The following RYR1 variants were observed in gnomAD, a reference collection of about 807,000 sequenced individuals.
The protein encoded by RYR1 is ryanodine receptor 1, also known as central core disease of muscle.
Under a neutral mutation model 583.5 loss-of-function variants are expected in RYR1, and 342 were observed. The observed-to-expected ratio is 0.59, with a 90% CI of 0.54 to 0.64. The LOEUF is 0.64. Among genes scored for constraint, RYR1 ranks in the 30% least tolerant of loss-of-function variants. RYR1 has a pLI of 0.00. For synonymous variants in RYR1, 2,791 were observed against 2,822.5 expected (o/e 0.99, Z 0.35); for missense variants, 6,032 against 6,917.2 (o/e 0.87, Z 4.54).
Position 38,504,841 on chromosome 19 carries a change from T to C in RYR1, c.8161T>C (p.Ser2721Pro), listed in dbSNP as rs757312978. 6.2e-7 allele frequency: 1 copy of C among 1,614,080 alleles called. No homozygotes were observed. Among genetic ancestry groups the C allele is most frequent in the Non-Finnish European group, 8.5e-7 (1 of 1,179,992 alleles). ...CGACTATGTGGATGCCTCATACTCA[T>C]CTAAGGCAGAGAAAAAGGCCACAGT... ...PPDYVDASYSSKAEKKATVDA... is the reference protein window; with the variant it reads ...PPDYVDASYSPKAEKKATVDA... The change falls in exon 51 of 106, where the codon TCT becomes CCT. Residue 2721 changes from serine to proline, a missense_variant. Physicochemically the swap from Ser to Pro is moderately conservative, Grantham distance 74 (BLOSUM62 -1). This residue lies in a region of RYR1 where 1,493 missense variants were observed against 1,715.5 expected (regional missense o/e 0.87). Transcript: ENST00000359596.
chr19:38,452,999 C>T lies in RYR1; in HGVS notation c.1425C>T (p.Ser475=). The change falls in exon 13 of 106, where the codon AGC becomes AGT. Residue 475 remains serine, a synonymous_variant. Transcript: ENST00000359596. ...SKLRSLRNRQ[S]LFQEEGMLSM... Reference sequence around the variant, plus strand: ...TGCGAAGCCTGCGCAACCGCCAGAGCCTCTTCCAGGAGGAGGTGAGGACGT... The same window carrying T: ...TGCGAAGCCTGCGCAACCGCCAGAGTCTCTTCCAGGAGGAGGTGAGGACGT... 6.2e-7 allele frequency: 1 copy of T among 1,613,820 alleles called. No homozygotes were observed. Among genetic ancestry groups the T allele is most frequent in the Non-Finnish European group, 8.5e-7 (1 of 1,179,790 alleles).
At chr19:38,581,008 C>T (rs1445802199) in intron 101 of RYR1, among the ~76,000 whole-genome samples, 1 of 151,696 alleles carries the variant, frequency 6.6e-6, no homozygotes, top group African/African-American at 2.4e-5. Flanking sequence ...AAGTGATTCT[C>T]CTGCCTCAGC....
intron 101 of RYR1, among the ~76,000 whole-genome samples, chr19:38,584,298 C>T (rs1284803711): frequency 8.3e-6 from 1 of 121,198 alleles, no homozygotes; most frequent in Non-Finnish European, 1.8e-5. Flanking sequence ...CACCTGTGCC[C>T]CCCCCCACCC....
intron 27 of RYR1, among the ~76,000 whole-genome samples, chr19:38,471,931 A>G (rs1409280803): frequency 1.3e-5 from 2 of 151,542 alleles, no homozygotes; most frequent in African/African-American, 4.9e-5. Context: ...GATTCTGAGA[A>G]CAAAGAATCT....
intron 89 of RYR1, among the ~76,000 whole-genome samples, chr19:38,559,252 G>A (rs74332826): frequency 1.9e-4 from 8 of 41,922 alleles, no homozygotes; most frequent in Non-Finnish European, 3.8e-4. Flanking sequence ...TTTTTTTTTT[G>A]AGACAGGGTC....
Position 38,477,643 on chromosome 19 carries a change from C to A in RYR1, c.4294-67C>A, listed in dbSNP as rs755861821. On this transcript the variant is annotated intron_variant, in intron 29 of 105. Coordinates refer to ENST00000359596, the MANE Select transcript of RYR1 (RefSeq NM_000540.3). ...CCCAACAGTCCAGGGAAACCAATTT[C>A]GAGTCCCAGGGAGCCCGAGTCCCTG... The A allele has an allele frequency of 1.2e-5, 20 of 1,609,534 alleles. No individual in the cohort carries two copies. The Admixed American group carries it at 3.3e-4, about 27-fold the overall frequency.
chr19:38,543,755 G>A lies in RYR1; in HGVS notation c.11908-16G>A, dbSNP rs1395966845. The A allele has an allele frequency of 6.2e-7, 1 of 1,611,900 alleles. No homozygotes were observed. On this transcript the variant is annotated splice_polypyrimidine_tract_variant and intron_variant, in intron 86 of 105. Coordinates refer to ENST00000359596, the MANE Select transcript of RYR1 (RefSeq NM_000540.3). The surrounding 1 kb of genome is among the most constrained non-coding windows in gnomAD (Gnocchi z 4.4). ...CGGGGATTCCCTTCCCCCCCACACGGCACTCTGCCTCCCAGGGTCCCTGCA... is the reference window on the plus strand; with the variant it reads ...CGGGGATTCCCTTCCCCCCCACACGACACTCTGCCTCCCAGGGTCCCTGCA...
At chr19:38,534,962 C>G in intron 79 of RYR1, 143 bp downstream of exon 79, 1 of 1,092,072 alleles carries the variant, frequency 9.2e-7, no homozygotes, top group Non-Finnish European at 1.4e-6. Context: ...GCAGCTTCCC[C>G]TTGTATACCT....
Position 38,587,255 on chromosome 19 carries a change from A to AAT in RYR1, c.15022-55_15022-54dup, listed in dbSNP as rs60733320. ...GCAACAGAGCAACACCCTGTCTAAA[A>AAT]ATATATATATATATATGTCTCAAGG... On this transcript the variant is annotated intron_variant, in intron 105 of 105. Coordinates refer to ENST00000359596, the MANE Select transcript of RYR1 (RefSeq NM_000540.3). The AAT allele has an allele frequency of 0.015, 14,355 of 959,862 alleles. 684 individuals carry two copies. In the African/African-American group the frequency reaches 0.17, roughly 11 times the overall value. 59.5% of individuals were successfully genotyped at this position (959,862 alleles called of 1,614,324 possible).
In RYR1 at chr19:38,500,158, C is replaced by T. The variant is rs551020565; in HGVS notation, c.7323+142C>T. On this transcript the variant is annotated intron_variant, in intron 45 of 105. Coordinates refer to ENST00000359596, the MANE Select transcript of RYR1 (RefSeq NM_000540.3). This position sits in a 1 kb window ranked among gnomAD's most constrained non-coding sequence, Gnocchi z 5.9. ...AGCAATGTTGGGGACACAACAGTGACCAAGACAGCCCCAGGGCCTGGTCTC... is the reference window on the plus strand; with the variant it reads ...AGCAATGTTGGGGACACAACAGTGATCAAGACAGCCCCAGGGCCTGGTCTC... 1.2e-5 allele frequency: 9 copies of T among 775,660 alleles called. No individual in the cohort carries two copies. Among genetic ancestry groups the T allele is most frequent in the Admixed American group, 4.0e-5 (2 of 49,856 alleles). 48.0% of individuals were successfully genotyped at this position (775,660 alleles called of 1,614,324 possible).
Position 38,506,574 on chromosome 19 carries a change from T to A in RYR1, c.8692+28T>A, listed in dbSNP as rs2960345. 5.0e-6 allele frequency: 8 copies of A among 1,611,372 alleles called. No homozygotes were observed. The South Asian group carries it at 8.8e-5, about 18-fold the overall frequency. ...GAGGGCGCCCATGCCGCCCCCACGC[T>A]ACCCCCGTGGATTCACCGTGTGGTT... On this transcript the variant is annotated intron_variant, in intron 56 of 105. Coordinates refer to ENST00000359596, the MANE Select transcript of RYR1 (RefSeq NM_000540.3).
rs1438847737 is a variant in RYR1 at position 38,501,003 on chromosome 19, G to GC, written c.7614+16dup. On this transcript the variant is annotated intron_variant, in intron 47 of 105. Coordinates refer to ENST00000359596, the MANE Select transcript of RYR1 (RefSeq NM_000540.3). ...CTCGCTGGACACGGTGAGCAACCCT[G>GC]CCCAGCCTGGCCACCCTCCCCACTT... 1.2e-6 allele frequency: 2 copies of GC among 1,611,046 alleles called. No homozygotes were observed.
rs779383194 is a variant in RYR1, at chr19:38,473,565, C to T, written c.3954C>T (p.Ala1318=). The change falls in exon 28 of 106, where the codon GCC becomes GCT. Residue 1318 remains alanine (A), a synonymous_variant. Coordinates refer to ENST00000359596, the MANE Select transcript of RYR1 (RefSeq NM_000540.3). ...CACCTCCTGGCCTGCAGCCCCCCGC[C>T]GAGGACGAGGCCCGGGCGGCGGAAC... The part of the protein sequence containing the change: ...PLAPPGLQPP[A]EDEARAAEPD... 7.5e-6 allele frequency: 12 copies of T among 1,599,330 alleles called. No homozygotes were observed. The highest frequency in any genetic ancestry group is 2.3e-5 in the East Asian group (1 of 44,146).
At chr19:38,492,899 T>G (rs1344808061) in intron 38 of RYR1, among the ~76,000 whole-genome samples, 1 of 151,996 alleles carries the variant, frequency 6.6e-6, no homozygotes, top group Non-Finnish European at 1.5e-5. Context: ...TGAAACCCCC[T>G]TCTCCACTAA....
At chr19:38,507,648 G>T in intron 57 of RYR1, 64 bp from the exon 58 acceptor site, 1 of 1,067,544 alleles carries the variant, frequency 9.4e-7, no homozygotes, top group South Asian at 1.3e-5. Flanking sequence ...AGGCGGACCT[G>T]AGAAGGGTGG....
In RYR1 at chr19:38,543,255, C is replaced by T; in HGVS notation, c.11690-92C>T. ...TTTCTGGCATACAATAGGAACTCAA[C>T]ACATGAGTATTGCATAAATGAATAA... On this transcript the variant is annotated intron_variant, in intron 84 of 105. Transcript: ENST00000359596. This position sits in a 1 kb window ranked among gnomAD's most constrained non-coding sequence, Gnocchi z 4.4. The T allele has an allele frequency of 1.9e-6, 2 of 1,074,518 alleles. No homozygotes were observed. Among genetic ancestry groups the T allele is most frequent in the South Asian group, 1.3e-5 (1 of 79,744 alleles). 66.6% of individuals were successfully genotyped at this position (1,074,518 alleles called of 1,614,324 possible). A position where few individuals can be genotyped will look rare whatever the true frequency, so the allele number is the denominator to read the frequency against.
chr19:38,458,149 C>A lies in RYR1; in HGVS notation c.2024C>A (p.Thr675Lys). The A allele has an allele frequency of 6.2e-7, 1 of 1,614,046 alleles. No homozygotes were observed. The highest frequency in any genetic ancestry group is 8.5e-7 in the Non-Finnish European group (1 of 1,180,042). Reference sequence around the variant, plus strand: ...GTGGACGAGGTGACTCCATTTCTGACAGCTCAGGCCACCCACTTGCGGGTG... The same window carrying A: ...GTGGACGAGGTGACTCCATTTCTGAAAGCTCAGGCCACCCACTTGCGGGTG... ...VMVDEVTPFLTAQATHLRVGW... is the reference protein window; with the variant it reads ...VMVDEVTPFLKAQATHLRVGW... The change falls in exon 18 of 106, where the codon ACA (threonine) becomes AAA (lysine). Residue 675 changes from threonine (T) to lysine (K), a missense_variant. Thr to Lys is a moderately conservative substitution (Grantham distance 78). Transcript: ENST00000359596.
intron 72 of RYR1, 143 bp downstream of exon 72, chr19:38,527,195 C>T (rs537042543): frequency 5.3e-4 from 466 of 881,398 alleles, no homozygotes; most frequent in Admixed American, 1.7e-3. Flanking sequence ...GCCAATGTGG[C>T]GAAACCATGT....
chr19:38,553,334 C>CAAAAAA (rs566497167), intron 89 of RYR1, among the ~76,000 whole-genome samples: 6 of 80,936 alleles, frequency 7.4e-5, no homozygotes, highest in Admixed American at 1.5e-4. Flanking sequence ...GACTCCATAT[C>CAAAAAA]AAAAAAAAAA....
Sources: gnomAD v4.1 joint callset for allele counts (sites outside exome capture counted in the v4.1 genomes callset) on GRCh38, gnomAD v4.1.1 for gene constraint, gnomAD v4.1.1 regional missense constraint, Gnocchi (gnomAD v3.1) non-coding constraint, MANE v1.5 for transcripts, NCBI Gene and HGNC (gene_info 2026-07-23, HGNC 2026-07-21) for gene names.